The following SLC9A8 variants were observed in gnomAD, a reference collection of about 807,000 sequenced individuals.
SLC9A8 encodes sodium/hydrogen exchanger 8.
Under a neutral mutation model 66.6 loss-of-function variants are expected in SLC9A8, and 48 were observed. The ratio of observed to expected loss-of-function variants is 0.72; its 90% CI spans 0.57 to 0.92. The LOEUF (loss-of-function observed/expected upper bound fraction) is 0.92. Among genes scored for constraint, SLC9A8 ranks in the 40% least tolerant of loss-of-function variants. The pLI, the probability that SLC9A8 is intolerant of heterozygous loss-of-function variation, is 0.00. For synonymous variants in SLC9A8, 274 were observed against 282.6 expected, an observed-to-expected ratio of 0.97 and a Z score of 0.31; for missense variants, 599 against 747.3, an observed-to-expected ratio of 0.80 and a Z score of 2.31.
chr20:49,852,146 C>T (rs2088280675), intron 7 of SLC9A8, among the ~76,000 whole-genome samples: 1 of 152,174 alleles, frequency 6.6e-6, no homozygotes, highest in African/African-American at 2.4e-5. Context: ...CCTGGCAGAG[C>T]ACTTAACAGA....
At position 49,850,815 on chromosome 20, in the gene SLC9A8, T is replaced by C; in HGVS notation, c.540T>C (p.Asp180=). 1 of 1,611,744 alleles carries C rather than the reference T, an allele frequency of 6.2e-7. No individual in the cohort carries two copies. The highest frequency in any genetic ancestry group is 8.5e-7 in the Non-Finnish European group (1 of 1,179,298). Residue 180 remains aspartate, a synonymous_variant, in exon 7 of 16, where the codon GAT becomes GAC. Transcript: ENST00000361573. ...GGGIYFLGQA[D]VISKLNMTDS... is the part of the protein sequence containing the mutation. ...TTGTGTGTTTTATTTTACAGGCTGA[T>C]GTAATCTCTAAACTCAACATGACAG... is the stretch of plus-strand genomic sequence containing the variant.
At chr20:49,839,432 C>G (rs2087674134) in intron 3 of SLC9A8, 109 bp from the exon 4 acceptor site, 1 of 608,508 alleles carries the variant, frequency 1.6e-6, no homozygotes, top group Admixed American at 2.7e-5. Flanking sequence ...GTGCCCCAAC[C>G]ACCTTGGGCA....
At chr20:49,884,599 C>T (rs1181546482) in intron 14 of SLC9A8, among the ~76,000 whole-genome samples, 2 of 152,128 alleles carry the variant, frequency 1.3e-5, no homozygotes, top group Admixed American at 1.3e-4. Flanking sequence ...TGTCATTCCC[C>T]AGTATGGTTT....
At chr20:49,815,718 C>G (rs2086524670) in intron 2 of SLC9A8, among the ~76,000 whole-genome samples, 1 of 151,908 alleles carries the variant, frequency 6.6e-6, no homozygotes, top group African/African-American at 2.4e-5. Flanking sequence ...GCACTCCAGC[C>G]TGGATGACAG....
intron 5 of SLC9A8, among the ~76,000 whole-genome samples, chr20:49,849,185 G>T (rs595027): frequency 0.33 from 49,858 of 151,944 alleles, 9,472 homozygotes; most frequent in South Asian, 0.57. Flanking sequence ...GATGAGCCCA[G>T]AGGCCTCCCC....
intron 3 of SLC9A8, among the ~76,000 whole-genome samples, chr20:49,838,445 G>T (rs569757293): frequency 2.0e-5 from 3 of 152,142 alleles, no homozygotes; most frequent in Non-Finnish European, 4.4e-5. Context: ...GCTTTATTTT[G>T]TCTTGGGTCC....
intron 13 of SLC9A8, 115 bp from the exon 14 acceptor site, chr20:49,883,731 G>A (rs549192514): frequency 1.3e-4 from 96 of 767,980 alleles, no homozygotes; most frequent in Non-Finnish European, 1.9e-4. Flanking sequence ...CTTCAGCAGG[G>A]CCATTAGAAT....
chr20:49,855,607 T>C (rs370041947), intron 8 of SLC9A8, 26 bp downstream of exon 8: 1 of 1,607,604 alleles, frequency 6.2e-7, no homozygotes, highest in Admixed American at 1.7e-5. Flanking sequence ...GAGAACAGAC[T>C]TTTTTCATGT....
intron 3 of SLC9A8, chr20:49,830,242 G>A (rs2087118417): frequency 3.1e-6 from 3 of 954,932 alleles, no homozygotes; most frequent in Non-Finnish European, 5.2e-6. Context: ...ATGGGATTTG[G>A]GGGCCTTGGT....
rs890398822 is a variant in SLC9A8, at chr20:49,815,363, C to T, written c.208+174C>T. The T allele has an allele frequency of 6.8e-6, 3 of 440,372 alleles. No homozygotes were observed. The South Asian group carries it at 2.3e-4, about 34-fold the overall frequency. The allele number at this position is 440,372 out of a possible 1,614,324, so 27.3% of individuals were successfully genotyped here. The stretch of plus-strand genomic sequence containing the variant: ...AACATCATTAACAGGAAACTCTCTT[C>T]TTTATAAAATCATGGTGCTTAGCAA... On this transcript the variant is annotated intron_variant, in intron 2 of 15. Transcript: ENST00000361573.
At chr20:49,842,831 C>T (rs1217544464) in intron 4 of SLC9A8, among the ~76,000 whole-genome samples, 1 of 152,180 alleles carries the variant, frequency 6.6e-6, no homozygotes, top group Non-Finnish European at 1.5e-5. Flanking sequence ...GTCAAGGTAT[C>T]AACAGGACCA....
intron 13 of SLC9A8, 65 bp downstream of exon 13, chr20:49,881,100 G>C: frequency 8.6e-7 from 1 of 1,167,546 alleles, no homozygotes; most frequent in Non-Finnish European, 1.3e-6. Flanking sequence ...CATACAGGGA[G>C]AGCTGTGGTT....
At chr20:49,862,855 A>G (rs1186476981) in intron 8 of SLC9A8, 74 bp from the exon 9 acceptor site, 1 of 1,225,330 alleles carries the variant, frequency 8.2e-7, no homozygotes, top group Non-Finnish European at 1.2e-6. Context: ...TAAGCAAGAA[A>G]TGTTTTAAGT....
chr20:49,876,369 A>G (rs2089429486), intron 11 of SLC9A8, among the ~76,000 whole-genome samples: 1 of 152,150 alleles, frequency 6.6e-6, no homozygotes, highest in Non-Finnish European at 1.5e-5. Flanking sequence ...GATAATACCC[A>G]CTTCTGGCCT....
chr20:49,831,950 CT>C (rs2087217966), intron 3 of SLC9A8, among the ~76,000 whole-genome samples: 2 of 152,110 alleles, frequency 1.3e-5, no homozygotes, highest in South Asian at 4.1e-4. Flanking sequence ...CATTCCAGTC[CT>C]TGGGAGGGGG....
intron 3 of SLC9A8, among the ~76,000 whole-genome samples, chr20:49,823,927 T>C (rs561475555): frequency 6.6e-6 from 1 of 152,382 alleles, no homozygotes; most frequent in Admixed American, 6.5e-5. Flanking sequence ...TGCTGATGTT[T>C]AGAAATTAAC....
In SLC9A8 at chr20:49,886,438, C is replaced by T. The variant is rs1032027157; in HGVS notation, c.1492-314C>T. The T allele has an allele frequency of 3.9e-6, 1 of 255,374 alleles. No individual in the cohort carries two copies. The highest frequency in any genetic ancestry group is 7.4e-6 in the Non-Finnish European group (1 of 135,282). 15.8% of individuals were successfully genotyped at this position (255,374 alleles called of 1,614,324 possible). ...TTTGCTGCTAATGAAAAGCCCAGAACAGCAGTTCTGGTCCTGGTTGCATGA... is the reference window on the plus strand; with the variant it reads ...TTTGCTGCTAATGAAAAGCCCAGAATAGCAGTTCTGGTCCTGGTTGCATGA... On this transcript the variant is annotated intron_variant, in intron 14 of 15. Coordinates refer to ENST00000361573, the MANE Select transcript of SLC9A8 (RefSeq NM_015266.3). The surrounding 1 kb of genome is among the most constrained non-coding windows in gnomAD (Gnocchi z 4.8).
chr20:49,886,814 C>T lies in SLC9A8; in HGVS notation c.1554C>T (p.Tyr518=), dbSNP rs745684518. ...ELTEEEYEAH[Y]IRRQDLKGFV... ...CGGAGGAGGAGTACGAGGCCCACTA[C>T]ATCAGGCGGCAGGACCTTAAGGGCT... The change falls in exon 15 of 16, where the codon TAC becomes TAT. Residue 518 remains tyrosine, a synonymous_variant. Coordinates refer to ENST00000361573, the MANE Select transcript of SLC9A8 (RefSeq NM_015266.3). This position sits in a 1 kb window ranked among gnomAD's most constrained non-coding sequence, Gnocchi z 4.8. 3.7e-6 allele frequency: 6 copies of T among 1,614,174 alleles called. No homozygotes were observed. In the South Asian group the frequency reaches 4.4e-5, roughly 12 times the overall value.
chr20:49,830,666 C>T, intron 3 of SLC9A8: 1 of 650,724 alleles, frequency 1.5e-6, no homozygotes, highest in Non-Finnish European at 2.8e-6. Context: ...AGGAGGACTG[C>T]AGCAGCTGCT....
Sources: gnomAD v4.1 joint callset for allele counts (sites outside exome capture counted in the v4.1 genomes callset) on GRCh38, gnomAD v4.1.1 for gene constraint, Gnocchi (gnomAD v3.1) non-coding constraint, MANE v1.5 for transcripts, NCBI Gene and HGNC (gene_info 2026-07-23, HGNC 2026-07-21) for gene names.